Variants in EPHX2 observed in about 807,000 individuals in gnomAD.
EPHX2 encodes epoxide hydrolase 2.
A neutral mutation model predicts 78.7 loss-of-function variants in EPHX2; 74 were observed. The observed-to-expected ratio is 0.94, with a 90% CI of 0.78 to 1.14. The LOEUF (loss-of-function observed/expected upper bound fraction) is 1.14. Ranked by LOEUF, EPHX2 falls within the 50% of genes most tolerant of loss-of-function variation. The probability of loss-of-function intolerance (pLI) is 0.00; values close to 1 mark genes in which losing one functional copy is unlikely to be tolerated. For synonymous variants in EPHX2, 251 were observed against 255.2 expected (o/e 0.98, Z 0.16); for missense variants, 715 against 702.5 (o/e 1.02, Z -0.20).
chr8:27,546,997 G>T (rs1405295743), downstream of EPHX2, among the ~76,000 whole-genome samples: 4 of 152,188 alleles, frequency 2.6e-5, no homozygotes, highest in East Asian at 5.8e-4. Context: ...GAGGGAGAGA[G>T]AAAGAGAAGG....
chr8:27,525,497 A>G (rs200709956), intron 12 of EPHX2, 24 bp downstream of exon 12: 32 of 1,573,906 alleles, frequency 2.0e-5, no homozygotes, highest in Non-Finnish European at 2.8e-5. Context: ...CAAGGGCAAC[A>G]ATGGGAGCAT....
chr8:27,524,655 G>C (rs1420416600), intron 11 of EPHX2, among the ~76,000 whole-genome samples: 1 of 152,052 alleles, frequency 6.6e-6, no homozygotes, highest in Non-Finnish European at 1.5e-5. Flanking sequence ...ACCTTATGTT[G>C]TTCCCCTCCC....
chr8:27,518,003 TG>T, intron 8 of EPHX2, 34 bp from the exon 9 acceptor site: 1 of 1,526,974 alleles, frequency 6.5e-7, no homozygotes, highest in Non-Finnish European at 9.0e-7. Flanking sequence ...TTAAGTAACG[TG>T]AATTAAATAT....
intron 18 of EPHX2, 46 bp downstream of exon 18, chr8:27,544,290 C>A: frequency 6.2e-7 from 1 of 1,607,416 alleles, no homozygotes; most frequent in Non-Finnish European, 8.5e-7. Flanking sequence ...CAGGGCCCCC[C>A]GTTCACCTTC....
intron 12 of EPHX2, among the ~76,000 whole-genome samples, chr8:27,536,100 G>T (rs188176431): frequency 1.5e-3 from 232 of 152,234 alleles, no homozygotes; most frequent in Middle Eastern, 6.8e-3. Context: ...CCCAAGAACT[G>T]GAAGGACCTG....
intron 1 of EPHX2, among the ~76,000 whole-genome samples, chr8:27,500,091 C>G (rs1001239389): frequency 3.9e-5 from 6 of 152,020 alleles, no homozygotes; most frequent in African/African-American, 1.5e-4. Context: ...AATTTGTGTC[C>G]CCACCCAAAT....
At position 27,515,652 on chromosome 8, in the gene EPHX2, G is replaced by A. The variant is rs187613176; in HGVS notation, c.736-66G>A. 2.1e-3 allele frequency: 2,829 copies of A among 1,361,886 alleles called. 13 individuals carry two copies. The highest frequency in any genetic ancestry group is 8.3e-3 in the East Asian group (356 of 42,848). 84.4% of individuals were successfully genotyped at this position (1,361,886 alleles called of 1,614,324 possible). On this transcript the variant is annotated intron_variant, in intron 6 of 18. Transcript: ENST00000521400. The stretch of plus-strand genomic sequence containing the variant: ...GAAACGGCCCTGGCATTCTGCAGAC[G>A]CTGTGGGGCCTGGGTCCACTGGGCC...
At chr8:27,514,644 CCTT>C (rs1415426925) in intron 6 of EPHX2, among the ~76,000 whole-genome samples, 1 of 152,188 alleles carries the variant, frequency 6.6e-6, no homozygotes, top group Admixed American at 6.5e-5. Context: ...CAACCAGACT[CCTT>C]CTCTCTGCTG....
chr8:27,491,296 C>T lies in EPHX2; in HGVS notation c.88C>T (p.Leu30=). ...FGVLGRTEEA[L]ALPRGLLNDA... ...CGTCCTCGGCCGCACGGAGGAGGCC[C>T]TGGCGCTGCCCAGGTAAGGGGGCCC... is the stretch of plus-strand genomic sequence containing the variant. The change falls in exon 1 of 19, where the codon CTG becomes TTG. Residue 30 remains leucine, a synonymous_variant. Coordinates refer to ENST00000521400, the MANE Select transcript of EPHX2 (RefSeq NM_001979.6). 5 of 1,555,310 alleles carry T rather than the reference C, an allele frequency of 3.2e-6. No individual in the cohort carries two copies. Among genetic ancestry groups the T allele is most frequent in the Non-Finnish European group, 4.3e-6 (5 of 1,161,208 alleles).
At chr8:27,536,653 A>G in intron 12 of EPHX2, 131 bp from the exon 13 acceptor site, 1 of 832,050 alleles carries the variant, frequency 1.2e-6, no homozygotes, top group Non-Finnish European at 2.0e-6. Flanking sequence ...ATTCAAATGG[A>G]TGCTATTCTG....
downstream of EPHX2, among the ~76,000 whole-genome samples, chr8:27,548,441 A>G (rs922946084): frequency 8.5e-5 from 13 of 152,190 alleles, no homozygotes; most frequent in African/African-American, 2.9e-4. Context: ...TGCCTGAGCA[A>G]TTGTAAAGTG....
chr8:27,513,439 C>A (rs1814329557), intron 6 of EPHX2, among the ~76,000 whole-genome samples: 1 of 152,110 alleles, frequency 6.6e-6, no homozygotes, highest in Non-Finnish European at 1.5e-5. Context: ...GTTTGCATAT[C>A]CAGCCAGTTT....
At position 27,544,197 on chromosome 8, in the gene EPHX2, G is replaced by A; in HGVS notation, c.1542G>A (p.Leu514=). Residue 514 remains leucine (L), a synonymous_variant, in exon 18 of 19, where the codon CTG becomes CTA. Transcript: ENST00000521400. ...SQHMEDWIPH[L]KRGHIEDCGH... ...GGGTTTCCTTTCAGATTCCCCACCT[G>A]AAAAGGGGACACATTGAGGACTGTG... 1.2e-6 allele frequency: 2 copies of A among 1,614,184 alleles called. No individual in the cohort carries two copies. The highest frequency in any genetic ancestry group is 2.2e-5 in the South Asian group (2 of 91,076).
At chr8:27,545,560 A>ACCGC (rs1266798124) in exon 19 of EPHX2, 1 of 150,692 alleles carries the variant, frequency 6.6e-6, no homozygotes, top group Non-Finnish European at 1.5e-5. Flanking sequence ...CCAATTCCTA[A>ACCGC]CCGCCCTCCA....
chr8:27,525,665 G>A (rs142401943), intron 12 of EPHX2, among the ~76,000 whole-genome samples, 192 bp downstream of exon 12: 4 of 152,224 alleles, frequency 2.6e-5, no homozygotes, highest in Admixed American at 2.0e-4. Flanking sequence ...GCACATTTCC[G>A]TGTGTGTTCG....
chr8:27,514,603 G>C (rs902314501), intron 6 of EPHX2, among the ~76,000 whole-genome samples: 1 of 152,168 alleles, frequency 6.6e-6, no homozygotes, highest in Non-Finnish European at 1.5e-5. Flanking sequence ...ACAGTGCAGT[G>C]TTGTGGGCTC....
chr8:27,540,251 G>T (rs1681834171), intron 14 of EPHX2, among the ~76,000 whole-genome samples: 1 of 152,196 alleles, frequency 6.6e-6, no homozygotes, highest in African/African-American at 2.4e-5. Context: ...CAGGGTCTGG[G>T]ATATAGCTGC....
chr8:27,534,293 A>G (rs1585218669), intron 12 of EPHX2, among the ~76,000 whole-genome samples: 1 of 152,218 alleles, frequency 6.6e-6, no homozygotes, highest in South Asian at 2.1e-4. Flanking sequence ...CAATGTCTCC[A>G]TTCTTCTGTG....
At chr8:27,515,633 G>A (rs1814418466) in intron 6 of EPHX2, 85 bp from the exon 7 acceptor site, 3 of 1,112,600 alleles carry the variant, frequency 2.7e-6, no homozygotes, top group Non-Finnish European at 4.0e-6. Context: ...GACTGAAACG[G>A]CCCTGGCATT....
Sources: allele counts gnomAD v4.1 joint callset (sites outside exome capture counted in the v4.1 genomes callset), GRCh38; gene constraint gnomAD v4.1.1; transcripts MANE v1.5; gene names NCBI Gene and HGNC (gene_info 2026-07-23, HGNC 2026-07-21).